DNAH9: variants seen among roughly 807,000 people sequenced by gnomAD.
The protein encoded by DNAH9 is dynein axonemal heavy chain 9, also known as DNAH9 variant protein.
In DNAH9, 345 loss-of-function variants were observed where a neutral mutation model predicts 471.6. The ratio of observed to expected loss-of-function variants is 0.73; its 90% CI spans 0.67 to 0.80. DNAH9 has a LOEUF of 0.80. Among genes scored for constraint, DNAH9 ranks in the 30% least tolerant of loss-of-function variants. The pLI is 0.00. For missense variants in DNAH9, 5,407 were observed against 5,609.2 expected (o/e 0.96, Z 1.15); for synonymous variants, 2,093 against 2,123.6 (o/e 0.99, Z 0.40).
At chr17:11,716,671 C>G (rs1051795156) in intron 26 of DNAH9, among the ~76,000 whole-genome samples, 18 of 152,232 alleles carry the variant, frequency 1.2e-4, no homozygotes, top group Admixed American at 3.3e-4. Context: ...TTCTATGCAA[C>G]TTCTCTTTTT....
chr17:11,835,006 T>C (rs753417694), intron 49 of DNAH9, 108 bp downstream of exon 49: 72 of 1,422,254 alleles, frequency 5.1e-5, no homozygotes, highest in Non-Finnish European at 6.4e-5. Flanking sequence ...GAGTTTAGGG[T>C]GGGCTCCAAC....
At chr17:11,694,644 T>G in intron 22 of DNAH9, among the ~76,000 whole-genome samples, 197 bp downstream of exon 22, 1 of 1,186 alleles carries the variant, frequency 8.4e-4, no homozygotes, top group African/African-American at 1.0e-3. Flanking sequence ...CTTTCTTGCT[T>G]TCTCGCTTTC....
chr17:11,880,042 A>C (rs762413591), intron 53 of DNAH9, 36 bp from the exon 54 acceptor site: 35 of 1,611,876 alleles, frequency 2.2e-5, no homozygotes, highest in Non-Finnish European at 2.6e-5. Flanking sequence ...AGCTTGCCAC[A>C]GTCTCATACT....
At chr17:11,632,171 ATGGAAAAACAGAATTCTG>A (rs2150674022) in intron 7 of DNAH9, among the ~76,000 whole-genome samples, 4 of 152,326 alleles carry the variant, frequency 2.6e-5, no homozygotes, top group African/African-American at 9.6e-5. Flanking sequence ...TTTGCTGACA[ATGGAAAAACAGAATTCTG>A]ACTTGGGGAA....
chr17:11,895,282 G>A (rs1435847700), intron 59 of DNAH9, among the ~76,000 whole-genome samples: 1 of 152,188 alleles, frequency 6.6e-6, no homozygotes, highest in Non-Finnish European at 1.5e-5. Flanking sequence ...GCTTGCTCCA[G>A]AGTCCAGGCC....
In DNAH9 at chr17:11,680,870, C is replaced by T. The variant is rs908769531; in HGVS notation, c.3724C>T (p.His1242Tyr). Reference sequence around the variant, plus strand: ...ACAGCAGCAATTCTGGGAGCAATTCCACAAAGAAGCCCCGTTCAGGTATGG... The same window carrying T: ...ACAGCAGCAATTCTGGGAGCAATTCTACAAAGAAGCCCCGTTCAGGTATGG... The part of the protein sequence containing the change: ...AEQQQFWEQF[H>Y]KEAPFRFDSI... The change falls in exon 19 of 69, where the codon CAC (histidine) becomes TAC (tyrosine). Residue 1242 changes from histidine (H) to tyrosine (Y), a missense_variant. His to Tyr is a moderately conservative substitution (Grantham distance 83). Coordinates refer to ENST00000262442, the MANE Select transcript of DNAH9 (RefSeq NM_001372.4). 7 of 1,612,124 alleles carry T rather than the reference C, an allele frequency of 4.3e-6. No homozygotes were observed. The highest frequency in any genetic ancestry group is 5.1e-6 in the Non-Finnish European group (6 of 1,179,242).
At chr17:11,864,480 GA>G (rs909075769) in intron 50 of DNAH9, among the ~76,000 whole-genome samples, 4 of 148,960 alleles carry the variant, frequency 2.7e-5, no homozygotes, top group African/African-American at 7.3e-5. Context: ...GTGTGGTGCT[GA>G]AAAAAATGTA....
intron 49 of DNAH9, among the ~76,000 whole-genome samples, chr17:11,853,668 T>C (rs1034585443): frequency 2.6e-5 from 4 of 152,248 alleles, no homozygotes; most frequent in African/African-American, 7.2e-5. Flanking sequence ...ACCTTATCTT[T>C]TATTCATAGC....
Position 11,636,677 on chromosome 17 carries a change from C to T in DNAH9, c.1679C>T (p.Ala560Val), listed in dbSNP as rs377051669. 1.1e-5 allele frequency: 18 copies of T among 1,613,292 alleles called. No homozygotes were observed. Among genetic ancestry groups the T allele is most frequent in the African/African-American group, 1.1e-4 (8 of 74,888 alleles). ...AACCTCCTTGAAAGACCGCTGGTAG[C>T]GAGGGATACATCTGATAAATACCTG... ...AGNLLERPLV[A>V]RDTSDKYLVL... Residue 560 changes from alanine (A) to valine (V), a missense_variant, in exon 9 of 69, where the codon GCG becomes GTG. Around this residue, in one of 3 missense-constraint regions of DNAH9, gnomAD observed 4,636 missense variants for 4,900.3 expected, o/e 0.95. Transcript: ENST00000262442.
rs201690514 is a variant in DNAH9, at chr17:11,807,865, C to G, written c.8554C>G (p.Arg2852Gly). 1.9e-6 allele frequency: 3 copies of G among 1,612,338 alleles called. No homozygotes were observed. In the South Asian group the frequency reaches 3.3e-5, roughly 18 times the overall value. The part of the protein sequence containing the change: ...SSMDVFQITL[R>G]KGYQIQDFKM... Reference sequence around the variant, plus strand: ...CATGGATGTCTTCCAGATCACACTGCGCAAAGGCTACCAGATCCAGGACTT... The same window carrying G: ...CATGGATGTCTTCCAGATCACACTGGGCAAAGGCTACCAGATCCAGGACTT... Residue 2852 changes from arginine (R) to glycine (G), a missense_variant, in exon 44 of 69, where the codon CGC becomes GGC. Arg to Gly is a moderately radical substitution (Grantham distance 125, BLOSUM62 -2). Transcript: ENST00000262442.
intron 50 of DNAH9, among the ~76,000 whole-genome samples, chr17:11,856,725 T>A (rs1165348118): frequency 6.6e-6 from 1 of 151,770 alleles, no homozygotes; most frequent in Non-Finnish European, 1.5e-5. Flanking sequence ...AAAAGAACTT[T>A]GGCAAAGCAA....
At chr17:11,871,448 C>G in intron 51 of DNAH9, 150 bp from the exon 52 acceptor site, 1 of 677,006 alleles carries the variant, frequency 1.5e-6, no homozygotes, top group Non-Finnish European at 2.5e-6. Flanking sequence ...ACAGGCAGCA[C>G]AAATCCCCAT....
chr17:11,962,805 T>G lies in DNAH9; in HGVS notation c.13233+549T>G, dbSNP rs1194329471. On this transcript the variant is annotated intron_variant, in intron 68 of 68. Transcript: ENST00000262442. The surrounding 1 kb of genome is among the most constrained non-coding windows in gnomAD (Gnocchi z 4.1). Reference sequence around the variant, plus strand: ...CACCTCCTTGGTCCACTTTCCACATTCATGAGCTCTCAAAGGGCAGGAATC... The same window carrying G: ...CACCTCCTTGGTCCACTTTCCACATGCATGAGCTCTCAAAGGGCAGGAATC... 1.3e-5 allele frequency among the ~76,000 whole-genome samples: 2 copies of G among 152,046 alleles called. No individual in the cohort carries two copies. Among genetic ancestry groups the G allele is most frequent in the Non-Finnish European group, 2.9e-5 (2 of 68,020 alleles).
chr17:11,663,079 A>C (rs994825528), intron 14 of DNAH9, among the ~76,000 whole-genome samples: 1 of 152,128 alleles, frequency 6.6e-6, no homozygotes, highest in Non-Finnish European at 1.5e-5. Context: ...TAAGGGTCTA[A>C]AGAGGACTTA....
intron 33 of DNAH9, among the ~76,000 whole-genome samples, chr17:11,753,883 G>A (rs1967262113): frequency 6.6e-6 from 1 of 152,100 alleles, no homozygotes; most frequent in Admixed American, 6.6e-5. Context: ...CATGTCACAG[G>A]GGTTTGTTGT....
rs1312277995 is a variant in DNAH9 at position 11,598,837 on chromosome 17, C to T, written c.339C>T (p.Pro113=). 7 of 1,517,760 alleles carry T rather than the reference C, an allele frequency of 4.6e-6. No homozygotes were observed. Among genetic ancestry groups the T allele is most frequent in the Non-Finnish European group, 5.3e-6 (6 of 1,138,058 alleles). The allele number at this position is 1,517,760 out of a possible 1,614,324, so 94.0% of individuals were successfully genotyped here. A position where few individuals can be genotyped will look rare whatever the true frequency, so the allele number is the denominator to read the frequency against. ...GCACCGGGCCCGAGCCTCCAGGGCC[C>T]GACAGCTTCCGCGGCGCAGTGGTCT... ...FLRTGPEPPG[P]DSFRGAVVCG... Residue 113 remains proline, a synonymous_variant, in exon 1 of 69, where the codon CCC becomes CCT. Transcript: ENST00000262442.
chr17:11,684,213 G>T (rs1381410561), intron 19 of DNAH9, among the ~76,000 whole-genome samples: 1 of 152,074 alleles, frequency 6.6e-6, no homozygotes, highest in Non-Finnish European at 1.5e-5. Flanking sequence ...CACAGATTAA[G>T]CTCAGTTTTG....
chr17:11,869,276 C>A (rs767339673), intron 51 of DNAH9, 23 bp downstream of exon 51: 7 of 1,609,940 alleles, frequency 4.3e-6, no homozygotes, highest in Admixed American at 3.4e-5. Context: ...CACAGCAGCC[C>A]GAGCTGTAAT....
In DNAH9 at chr17:11,617,898, A is replaced by C. The variant is rs1023661858; in HGVS notation, c.1116+276A>C. Among the ~76,000 whole-genome samples, 3 of 152,154 alleles carry C rather than the reference A, an allele frequency of 2.0e-5. No individual in the cohort carries two copies. In the South Asian group the frequency reaches 6.2e-4, roughly 32 times the overall value. On this transcript the variant is annotated intron_variant, in intron 5 of 68. Coordinates refer to ENST00000262442, the MANE Select transcript of DNAH9 (RefSeq NM_001372.4). ...TGAATTTCAACCTCCTTAATGACCT[A>C]TGAAGAAGGACTGGTAATGAGTCAG... is the stretch of plus-strand genomic sequence containing the variant.
Sources: allele counts gnomAD v4.1 joint callset (sites outside exome capture counted in the v4.1 genomes callset), GRCh38; gene constraint gnomAD v4.1.1; regional missense constraint gnomAD v4.1.1; non-coding constraint Gnocchi (gnomAD v3.1); transcripts MANE v1.5; gene names NCBI Gene and HGNC (gene_info 2026-07-23, HGNC 2026-07-21).